Variants in FAM135A observed in about 807,000 individuals in gnomAD.
The protein encoded by FAM135A is family with sequence similarity 135 member A, also known as protein FAM135A.
A neutral mutation model predicts 146.8 loss-of-function variants in FAM135A; 79 were observed. The observed-to-expected ratio is 0.54, with a 90% confidence interval of 0.45 to 0.65. FAM135A has a LOEUF of 0.65. Among genes scored for constraint, FAM135A ranks in the 30% least tolerant of loss-of-function variants. The pLI, the probability that FAM135A is intolerant of heterozygous loss-of-function variation, is 0.00. For missense variants in FAM135A, 1,623 were observed against 1,758.2 expected (o/e 0.92, Z 1.38); for synonymous variants, 562 against 603.6 (o/e 0.93, Z 1.01).
chr6:70,468,423 G>C (rs555798860), intron 5 of FAM135A, among the ~76,000 whole-genome samples: 2 of 152,184 alleles, frequency 1.3e-5, no homozygotes, highest in African/African-American at 4.8e-5. Flanking sequence ...CTAAGCTTAG[G>C]GTTCCTCAAT....
intron 5 of FAM135A, among the ~76,000 whole-genome samples, chr6:70,470,687 C>T (rs781604555): frequency 5.5e-4 from 84 of 152,186 alleles, no homozygotes; most frequent in Non-Finnish European, 9.8e-4. Context: ...ATAGATCAAC[C>T]CTGGTCCTTT....
chr6:70,430,335 T>TA (rs1390984684), intron 4 of FAM135A, among the ~76,000 whole-genome samples: 3,103 of 142,752 alleles, frequency 0.022, 98 homozygotes, highest in African/African-American at 0.073. Flanking sequence ...AGACTCTATC[T>TA]AAAAAAAAAA....
In FAM135A at chr6:70,538,279, A is replaced by G. The variant is rs747482769; in HGVS notation, c.4118-12A>G. ...TTCATTTCATACTTCTATATCATAT[A>G]TGACTCTCTAGGTCTCTGGTTTATG... On this transcript the variant is annotated splice_polypyrimidine_tract_variant and intron_variant, in intron 19 of 21. Coordinates refer to ENST00000418814, the MANE Select transcript of FAM135A (RefSeq NM_001162529.3). The G allele has an allele frequency of 2.8e-6, 4 of 1,412,932 alleles. No homozygotes were observed. The highest frequency in any genetic ancestry group is 1.7e-5 in the South Asian group (1 of 58,004). The allele number at this position is 1,412,932 out of a possible 1,614,324, so 87.5% of individuals were successfully genotyped here.
intron 2 of FAM135A, among the ~76,000 whole-genome samples, chr6:70,416,412 C>T (rs1767589037): frequency 6.6e-6 from 1 of 151,950 alleles, no homozygotes. Flanking sequence ...TAAATAAAAT[C>T]TTTATTTTGT....
At chr6:70,521,869 A>G (rs1241094097) in intron 12 of FAM135A, among the ~76,000 whole-genome samples, 1 of 152,182 alleles carries the variant, frequency 6.6e-6, no homozygotes, top group Non-Finnish European at 1.5e-5. Flanking sequence ...GCCAAGATAC[A>G]TGTTTTGTGG....
At chr6:70,549,787 CTCTT>C (rs1799487714) in intron 20 of FAM135A, among the ~76,000 whole-genome samples, 1 of 152,130 alleles carries the variant, frequency 6.6e-6, no homozygotes, top group Admixed American at 6.6e-5. Context: ...GTATTATTGA[CTCTT>C]CCTTTCACAA....
intron 4 of FAM135A, among the ~76,000 whole-genome samples, chr6:70,449,071 G>T (rs953734379): frequency 6.6e-6 from 1 of 152,220 alleles, no homozygotes; most frequent in Non-Finnish European, 1.5e-5. Flanking sequence ...CCTCAAAATG[G>T]TTAATATAGA....
At chr6:70,538,216 T>C (rs1797138384) in intron 19 of FAM135A, 75 bp from the exon 20 acceptor site, 3 of 876,840 alleles carry the variant, frequency 3.4e-6, no homozygotes, top group Middle Eastern at 2.7e-4. Context: ...GTGAAATATA[T>C]ATTAAAATTA....
chr6:70,536,260 C>T lies in FAM135A; in HGVS notation c.3966C>T (p.Ser1322=). 3.1e-6 allele frequency: 5 copies of T among 1,601,450 alleles called. No homozygotes were observed. In the South Asian group the frequency reaches 5.7e-5, roughly 18 times the overall value. ...AATTAATTTTTTTTTCCTCTTAAAG[C>T]TTTATTGGACATTCGTTGGGCAATT... ...QIYSLTVSKI[S]FIGHSLGNLI... is the part of the protein sequence containing the mutation. Residue 1322 remains serine, a splice_region_variant and synonymous_variant, in exon 19 of 22, where the codon AGC becomes AGT. Transcript: ENST00000418814.
chr6:70,447,176 A>G (rs1178949838), intron 4 of FAM135A, among the ~76,000 whole-genome samples: 4 of 152,182 alleles, frequency 2.6e-5, no homozygotes, highest in African/African-American at 9.7e-5. Flanking sequence ...TCTTTCCCTG[A>G]ATAGTTATTT....
At chr6:70,556,223 T>G (rs1405655195) in intron 20 of FAM135A, among the ~76,000 whole-genome samples, 1 of 152,014 alleles carries the variant, frequency 6.6e-6, no homozygotes, top group African/African-American at 2.4e-5. Context: ...CACTCCAGCC[T>G]GGGCAACAAA....
At chr6:70,557,705 A>AC (rs1469185835) in intron 21 of FAM135A, 1 of 151,168 alleles carries the variant, frequency 6.6e-6, no homozygotes, top group Non-Finnish European at 1.5e-5. Flanking sequence ...AAAAAAAAAA[A>AC]AAAAAAAAAA....
intron 4 of FAM135A, among the ~76,000 whole-genome samples, 189 bp downstream of exon 4, chr6:70,428,608 T>A (rs992171214): frequency 1.3e-5 from 2 of 152,212 alleles, no homozygotes; most frequent in Non-Finnish European, 2.9e-5. Context: ...TTAATGATAA[T>A]GCTGGATATA....
chr6:70,430,586 A>T (rs540819133), intron 4 of FAM135A, among the ~76,000 whole-genome samples: 2 of 152,222 alleles, frequency 1.3e-5, no homozygotes, highest in Non-Finnish European at 2.9e-5. Context: ...TCTAGATAGC[A>T]TATCTACCAA....
Position 70,522,448 on chromosome 6 carries a change from A to G in FAM135A, c.1030-65A>G, listed in dbSNP as rs947779459. On this transcript the variant is annotated intron_variant, in intron 12 of 21. Coordinates refer to ENST00000418814, the MANE Select transcript of FAM135A (RefSeq NM_001162529.3). Reference sequence around the variant, plus strand: ...AATGGAGGCAGTTTCTCTCCTTACCATAAGATGCCGGATTGACTTTTTAAA... The same window carrying G: ...AATGGAGGCAGTTTCTCTCCTTACCGTAAGATGCCGGATTGACTTTTTAAA... 10 of 1,435,146 alleles carry G rather than the reference A, an allele frequency of 7.0e-6. No individual in the cohort carries two copies. The African/African-American group carries it at 8.4e-5, about 12-fold the overall frequency. 88.9% of individuals were successfully genotyped at this position (1,435,146 alleles called of 1,614,324 possible).
At chr6:70,543,491 T>C (rs1460976612) in intron 20 of FAM135A, among the ~76,000 whole-genome samples, 3 of 152,206 alleles carry the variant, frequency 2.0e-5, no homozygotes, top group Non-Finnish European at 4.4e-5. Flanking sequence ...CTCTTATAGA[T>C]TGGGTTTTAT....
chr6:70,429,956 C>T (rs1462225266), intron 4 of FAM135A, among the ~76,000 whole-genome samples: 5 of 151,832 alleles, frequency 3.3e-5, no homozygotes, highest in Non-Finnish European at 7.4e-5. Context: ...AACAGCTGTG[C>T]CTGTGCTGTG....
chr6:70,457,304 A>G (rs1778553401), intron 5 of FAM135A, among the ~76,000 whole-genome samples: 2 of 152,276 alleles, frequency 1.3e-5, no homozygotes, highest in South Asian at 4.1e-4. Flanking sequence ...ATTTATTATT[A>G]TATTTGATAG....
intron 10 of FAM135A, among the ~76,000 whole-genome samples, chr6:70,487,324 A>C (rs971716381): frequency 6.6e-6 from 1 of 152,086 alleles, no homozygotes; most frequent in African/African-American, 2.4e-5. Context: ...TATATATGTT[A>C]GACTTTTCTT....
Sources: allele counts gnomAD v4.1 joint callset (sites outside exome capture counted in the v4.1 genomes callset), GRCh38; gene constraint gnomAD v4.1.1; transcripts MANE v1.5; gene names NCBI Gene and HGNC (gene_info 2026-07-23, HGNC 2026-07-21).